Variants in SLC22A11 observed in about 807,000 individuals in gnomAD.
SLC22A11 encodes the protein organic anion transporter 4.
In SLC22A11, 42 loss-of-function variants were observed where a neutral mutation model predicts 49.4. The observed-to-expected ratio is 0.85, with a 90% CI of 0.66 to 1.10. The LOEUF (loss-of-function observed/expected upper bound fraction) is 1.10. Among genes scored for constraint, SLC22A11 ranks in the 50% least tolerant of loss-of-function variants. SLC22A11 has a pLI of 0.00. For missense variants in SLC22A11, 685 were observed against 731.6 expected (o/e 0.94, Z 0.74); for synonymous variants, 304 against 315.8 (o/e 0.96, Z 0.40).
intron 6 of SLC22A11, among the ~76,000 whole-genome samples, chr11:64,567,293 AG>A (rs2038637752): frequency 6.6e-6 from 1 of 152,222 alleles, no homozygotes; most frequent in African/African-American, 2.4e-5. Flanking sequence ...GGCAGCTCAG[AG>A]GCCCCCGAGG....
chr11:64,567,017 A>G (rs1591376308), intron 6 of SLC22A11, among the ~76,000 whole-genome samples: 2 of 151,998 alleles, frequency 1.3e-5, no homozygotes, highest in East Asian at 3.9e-4. Flanking sequence ...GCCTGGGCCC[A>G]GCCCAGCCCC....
At chr11:64,568,890 G>T (rs1335777702) in intron 8 of SLC22A11, 112 bp downstream of exon 8, 8 of 891,034 alleles carry the variant, frequency 9.0e-6, no homozygotes, top group Non-Finnish European at 1.5e-5. Context: ...GCCGCTCAGG[G>T]TCCCCCCCAG....
At chr11:64,556,648 G>A (rs7940321) in intron 1 of SLC22A11, among the ~76,000 whole-genome samples, 64,964 of 151,950 alleles carry the variant, frequency 0.43, 15,448 homozygotes, top group Non-Finnish European at 0.55. Flanking sequence ...CGCCAGCCTC[G>A]CCTGGTCCCG....
At chr11:64,559,095 C>T in intron 1 of SLC22A11, 40 bp from the exon 2 acceptor site, 2 of 1,568,656 alleles carry the variant, frequency 1.3e-6, no homozygotes, top group South Asian at 1.1e-5. Context: ...CCTGTGATTT[C>T]ATACCCCCCG....
At chr11:64,560,410 C>T (rs1248877210) in intron 2 of SLC22A11, among the ~76,000 whole-genome samples, 1 of 152,170 alleles carries the variant, frequency 6.6e-6, no homozygotes, top group African/African-American at 2.4e-5. Context: ...AGGACAGTCC[C>T]TTCCTGCCTA....
chr11:64,565,273 T>C lies in SLC22A11; in HGVS notation c.994T>C (p.Ser332Pro), dbSNP rs1227859591. Reference protein sequence around the residue: ...EEVASAKEPRSVLDLFCVPVL... With the variant: ...EEVASAKEPRPVLDLFCVPVL... Reference sequence around the variant, plus strand: ...GGTGGCCTCTGCAAAGGAGCCGCGGTCGGTGCTGGACCTGTTCTGCGTGCC... The same window carrying C: ...GGTGGCCTCTGCAAAGGAGCCGCGGCCGGTGCTGGACCTGTTCTGCGTGCC... The change falls in exon 6 of 10, where the codon TCG becomes CCG. Residue 332 changes from serine (S) to proline (P), a missense_variant. Coordinates refer to ENST00000301891, the MANE Select transcript of SLC22A11 (RefSeq NM_018484.4). This position sits in a 1 kb window ranked among gnomAD's most constrained non-coding sequence, Gnocchi z 4.1. 1 of 1,550,442 alleles carries C rather than the reference T, an allele frequency of 6.4e-7. No homozygotes were observed. Among genetic ancestry groups the C allele is most frequent in the African/African-American group, 1.4e-5 (1 of 73,128 alleles).
chr11:64,563,695 G>A (rs1214003748), intron 4 of SLC22A11, among the ~76,000 whole-genome samples: 2 of 150,074 alleles, frequency 1.3e-5, no homozygotes, highest in Non-Finnish European at 3.0e-5. Context: ...TGAGGCAGGT[G>A]GATCACAAGG....
chr11:64,568,413 C>T (rs888137415), intron 7 of SLC22A11, among the ~76,000 whole-genome samples: 1 of 152,212 alleles, frequency 6.6e-6, no homozygotes, highest in Non-Finnish European at 1.5e-5. Context: ...TTCAGTGCAG[C>T]CTCCACGGCC....
At chr11:64,569,906 C>A in intron 9 of SLC22A11, 48 bp downstream of exon 9, 1 of 1,589,306 alleles carries the variant, frequency 6.3e-7, no homozygotes, top group Non-Finnish European at 8.6e-7. Context: ...TCCTCCTGGG[C>A]CAAGATGGAG....
chr11:64,556,176 G>T lies in SLC22A11; in HGVS notation c.177G>T (p.Ala59=). ...CWTHMLDNGS[A]VSTNMTPKAL... Reference sequence around the variant, plus strand: ...CACACATGCTGGACAATGGCTCTGCGGTTTCCACAAACATGACCCCCAAGG... The same window carrying T: ...CACACATGCTGGACAATGGCTCTGCTGTTTCCACAAACATGACCCCCAAGG... Residue 59 remains alanine, a synonymous_variant, in exon 1 of 10, where the codon GCG becomes GCT. Coordinates refer to ENST00000301891, the MANE Select transcript of SLC22A11 (RefSeq NM_018484.4). 6.2e-7 allele frequency: 1 copy of T among 1,614,148 alleles called. No homozygotes were observed. Among genetic ancestry groups the T allele is most frequent in the Non-Finnish European group, 8.5e-7 (1 of 1,180,032 alleles).
rs947933980 is a variant in SLC22A11 at position 64,562,297 on chromosome 11, C to T, written c.683C>T (p.Ala228Val). 5 of 1,607,918 alleles carry T rather than the reference C, an allele frequency of 3.1e-6. No individual in the cohort carries two copies. Among genetic ancestry groups the T allele is most frequent in the African/African-American group, 1.3e-5 (1 of 74,784 alleles). Reference protein sequence around the residue: ...MVEWTTTSRRAVTMTVVGCAF... With the variant: ...MVEWTTTSRRVVTMTVVGCAF... ...GAGTGGACCACGACCAGCAGGAGGGCGGTCACCATGACGGTGGTGGGATGT... is the reference window on the plus strand; with the variant it reads ...GAGTGGACCACGACCAGCAGGAGGGTGGTCACCATGACGGTGGTGGGATGT... Residue 228 changes from alanine (A) to valine (V), a missense_variant, in exon 4 of 10, where the codon GCG becomes GTG. Physicochemically the swap from Ala to Val is moderately conservative, Grantham distance 64. Transcript: ENST00000301891. The surrounding 1 kb of genome is among the most constrained non-coding windows in gnomAD (Gnocchi z 4.4).
Position 64,564,415 on chromosome 11 carries a change from A to C in SLC22A11, c.929A>C (p.Asn310Thr). 1.9e-6 allele frequency: 3 copies of C among 1,614,062 alleles called. No homozygotes were observed. The highest frequency in any genetic ancestry group is 2.5e-6 in the Non-Finnish European group (3 of 1,179,966). The change falls in exon 5 of 10, where the codon AAC becomes ACC. Residue 310 changes from asparagine (N) to threonine (T), a missense_variant. Physicochemically the swap from Asn to Thr is moderately conservative, Grantham distance 65. Transcript: ENST00000301891. The surrounding 1 kb of genome is among the most constrained non-coding windows in gnomAD (Gnocchi z 4.2). ...ATAAATGGCCACAAGGAGGCCAAGA[A>C]CCTGACCATAGAGGTGAGATGCTGC... The part of the protein sequence containing the change: ...ARINGHKEAK[N>T]LTIEVLMSSV...
rs754885470 is a variant in SLC22A11 at position 64,562,154 on chromosome 11, A to T, written c.648A>T (p.Thr216=). ...GMAGIFLSSL[T]LMVEWTTTSR... ...CCGGCATCTTTCTGAGTTCACTGAC[A>T]CTGAGTGAGTCCCCGGCTCAGCGCG... The change falls in exon 3 of 10, where the codon ACA becomes ACT. Residue 216 remains threonine, a synonymous_variant. Coordinates refer to ENST00000301891, the MANE Select transcript of SLC22A11 (RefSeq NM_018484.4). This position sits in a 1 kb window ranked among gnomAD's most constrained non-coding sequence, Gnocchi z 4.4. The T allele has an allele frequency of 3.7e-6, 6 of 1,613,364 alleles. No individual in the cohort carries two copies. The Admixed American group carries it at 5.0e-5, about 13-fold the overall frequency.
At chr11:64,563,642 C>T (rs1347791299) in intron 4 of SLC22A11, among the ~76,000 whole-genome samples, 3 of 64,298 alleles carry the variant, frequency 4.7e-5, no homozygotes, top group Non-Finnish European at 9.2e-5. Context: ...AAAAAAAGGC[C>T]GGGCACAGTG....
Position 64,564,396 on chromosome 11 carries a change from G to T in SLC22A11, c.910G>T (p.Gly304Cys), listed in dbSNP as rs1303661174. 6.2e-7 allele frequency: 1 copy of T among 1,614,108 alleles called. No individual in the cohort carries two copies. The highest frequency in any genetic ancestry group is 1.7e-5 in the Admixed American group (1 of 60,016). Residue 304 changes from glycine (G) to cysteine (C), a missense_variant, in exon 5 of 10, where the codon GGC becomes TGC. By Grantham distance (159) the Gly-to-Cys change is radical. Coordinates refer to ENST00000301891, the MANE Select transcript of SLC22A11 (RefSeq NM_018484.4). The surrounding 1 kb of genome is among the most constrained non-coding windows in gnomAD (Gnocchi z 4.2). ...GCTCAGAAAGGTGGCCAGGATAAAT[G>T]GCCACAAGGAGGCCAAGAACCTGAC... is the stretch of plus-strand genomic sequence containing the variant. ...QELRKVARINGHKEAKNLTIE... is the reference protein window; with the variant it reads ...QELRKVARINCHKEAKNLTIE...
At position 64,562,118 on chromosome 11, in the gene SLC22A11, T is replaced by C. The variant is rs34525500; in HGVS notation, c.612T>C (p.Ala204=). Residue 204 remains alanine, a synonymous_variant, in exon 3 of 10, where the codon GCT becomes GCC. Transcript: ENST00000301891. The surrounding 1 kb of genome is among the most constrained non-coding windows in gnomAD (Gnocchi z 4.4). ...VIYCGLRFVA[A]FGMAGIFLSS... is the part of the protein sequence containing the mutation. ...ACTGCGGCCTGCGGTTCGTGGCCGC[T>C]TTTGGGATGGCCGGCATCTTTCTGA... is the stretch of plus-strand genomic sequence containing the variant. 8.7e-6 allele frequency: 14 copies of C among 1,613,780 alleles called. No individual in the cohort carries two copies. Among genetic ancestry groups the C allele is most frequent in the Non-Finnish European group, 1.2e-5 (14 of 1,179,998 alleles).
At chr11:64,568,474 G>A (rs898270609) in intron 7 of SLC22A11, among the ~76,000 whole-genome samples, 196 bp from the exon 8 acceptor site, 2 of 152,180 alleles carry the variant, frequency 1.3e-5, no homozygotes, top group African/African-American at 2.4e-5. Context: ...TGTGCCCCTC[G>A]GGCCCCTGCC....
At position 64,572,335 on chromosome 11, in the gene SLC22A11, CG is replaced by C. The variant is rs2038715299; in HGVS notation, c.*1295del. The stretch of plus-strand genomic sequence containing the variant: ...GTGGAGGGGCCAGCTTGCAGAAACA[CG>C]GCCGAACCCGGCCCTGATCCTAGCC... On this transcript the variant is annotated 3_prime_UTR_variant, in exon 10 of 10. Coordinates refer to ENST00000301891, the MANE Select transcript of SLC22A11 (RefSeq NM_018484.4). 1 of 152,294 alleles carries C rather than the reference CG, an allele frequency of 6.6e-6. No individual in the cohort carries two copies. The highest frequency in any genetic ancestry group is 2.4e-5 in the African/African-American group (1 of 41,454). The allele number at this position is 152,294 out of a possible 1,614,324, so 9.4% of individuals were successfully genotyped here.
intron 2 of SLC22A11, among the ~76,000 whole-genome samples, chr11:64,559,711 T>G (rs1591372698): frequency 4.0e-5 from 6 of 150,874 alleles, no homozygotes; most frequent in South Asian, 4.2e-4. Context: ...GTGGGGAGGG[T>G]GGGAGACAAG....
Sources: allele counts gnomAD v4.1 joint callset (sites outside exome capture counted in the v4.1 genomes callset), GRCh38; gene constraint gnomAD v4.1.1; non-coding constraint Gnocchi (gnomAD v3.1); transcripts MANE v1.5; gene names NCBI Gene and HGNC (gene_info 2026-07-23, HGNC 2026-07-21).